Variants in AGBL3 observed in about 807,000 individuals in gnomAD.
AGBL3 encodes the protein cytosolic carboxypeptidase 3.
A neutral mutation model predicts 94.5 loss-of-function variants in AGBL3; 68 were observed. The observed-to-expected ratio is 0.72, with a 90% CI of 0.59 to 0.88. AGBL3 has a LOEUF of 0.88. AGBL3 is among the 40% of genes least tolerant of loss of function. The pLI is 0.00. For synonymous variants in AGBL3, 354 were observed against 370.7 expected, an observed-to-expected ratio of 0.95 and a Z score of 0.52; for missense variants, 934 against 1,103.8, an observed-to-expected ratio of 0.85 and a Z score of 2.18.
At chr7:135,004,766 A>G (rs1385734491) in intron 4 of AGBL3, among the ~76,000 whole-genome samples, 1 of 151,356 alleles carries the variant, frequency 6.6e-6, no homozygotes, top group Non-Finnish European at 1.5e-5. Flanking sequence ...AATACTTTAC[A>G]TTGTGTTTTT....
At chr7:135,109,730 C>G (rs576824852) in intron 15 of AGBL3, among the ~76,000 whole-genome samples, 1 of 152,186 alleles carries the variant, frequency 6.6e-6, no homozygotes, top group Non-Finnish European at 1.5e-5. Context: ...GGATCCAGTG[C>G]CTGTGTGAAA....
chr7:135,040,904 C>CACACAA (rs1343054996), intron 8 of AGBL3, among the ~76,000 whole-genome samples: 5 of 151,352 alleles, frequency 3.3e-5, no homozygotes, highest in African/African-American at 9.7e-5. Flanking sequence ...CACACACACA[C>CACACAA]AAAACTAGAA....
chr7:135,037,076 C>T (rs1252093945), intron 7 of AGBL3, among the ~76,000 whole-genome samples: 1 of 152,152 alleles, frequency 6.6e-6, no homozygotes, highest in Non-Finnish European at 1.5e-5. Context: ...TGTGCCGCCA[C>T]ACCCAGCTAA....
intron 11 of AGBL3, 37 bp downstream of exon 11, chr7:135,045,948 G>A: frequency 7.7e-7 from 1 of 1,293,658 alleles, no homozygotes; most frequent in South Asian, 1.3e-5. Flanking sequence ...AATTTGTTGT[G>A]CTGTTTTACT....
At chr7:135,057,226 C>T (rs1189172191) in intron 11 of AGBL3, among the ~76,000 whole-genome samples, 1 of 152,076 alleles carries the variant, frequency 6.6e-6, no homozygotes, top group African/African-American at 2.4e-5. Flanking sequence ...CTAGAAGCAA[C>T]TTTACACCTT....
At chr7:135,112,348 A>G (rs910849562) in intron 15 of AGBL3, among the ~76,000 whole-genome samples, 2 of 152,200 alleles carry the variant, frequency 1.3e-5, no homozygotes, top group Non-Finnish European at 2.9e-5. Flanking sequence ...AAACACATTT[A>G]TTTAGCATCT....
chr7:135,113,250 A>G (rs1029243012), intron 15 of AGBL3, among the ~76,000 whole-genome samples: 1 of 152,224 alleles, frequency 6.6e-6, no homozygotes, highest in Non-Finnish European at 1.5e-5. Flanking sequence ...AAGAATAGAT[A>G]ATTTCTTTAC....
At chr7:135,128,497 T>C in intron 16 of AGBL3, 1 of 757,354 alleles carries the variant, frequency 1.3e-6, no homozygotes, top group South Asian at 1.3e-5. Flanking sequence ...AGTGAGTATT[T>C]ACGATGGAGA....
chr7:135,034,103 T>C, intron 6 of AGBL3, 46 bp from the exon 7 acceptor site: 1 of 1,322,992 alleles, frequency 7.6e-7, no homozygotes, highest in South Asian at 2.4e-5. Context: ...AAAATGTCAT[T>C]TTTACATTCT....
intron 16 of AGBL3, among the ~76,000 whole-genome samples, chr7:135,117,098 G>T (rs1826428672): frequency 6.6e-6 from 1 of 152,122 alleles, no homozygotes; most frequent in African/African-American, 2.4e-5. Context: ...TATTTTTAGT[G>T]CAAAGAATAG....
intron 13 of AGBL3, among the ~76,000 whole-genome samples, chr7:135,078,037 A>G (rs1402560492): frequency 2.0e-5 from 3 of 152,198 alleles, no homozygotes; most frequent in African/African-American, 7.2e-5. Flanking sequence ...TGGTAGATTC[A>G]TTGGAGCTAC....
At chr7:135,056,429 A>G (rs1232345562) in intron 11 of AGBL3, among the ~76,000 whole-genome samples, 1 of 152,056 alleles carries the variant, frequency 6.6e-6, no homozygotes, top group Non-Finnish European at 1.5e-5. Flanking sequence ...ACAAATATTG[A>G]TAAGTTGTAT....
intron 5 of AGBL3, among the ~76,000 whole-genome samples, chr7:135,019,521 T>G (rs1404772722): frequency 6.6e-6 from 1 of 152,166 alleles, no homozygotes; most frequent in Non-Finnish European, 1.5e-5. Context: ...GAATGGTTTG[T>G]GATATGGGTC....
intron 4 of AGBL3, 121 bp downstream of exon 4, chr7:134,993,799 C>A: frequency 4.9e-6 from 4 of 811,284 alleles, no homozygotes; most frequent in Non-Finnish European, 6.9e-6. Flanking sequence ...ATAACATGAG[C>A]CACATAATGT....
chr7:135,132,469 T>C (rs1490062546), intron 16 of AGBL3, among the ~76,000 whole-genome samples: 1 of 152,070 alleles, frequency 6.6e-6, no homozygotes, highest in East Asian at 1.9e-4. Flanking sequence ...TCAGTACCCA[T>C]CCATGATAAA....
At chr7:134,994,207 C>T (rs1810675755) in intron 4 of AGBL3, among the ~76,000 whole-genome samples, 1 of 152,204 alleles carries the variant, frequency 6.6e-6, no homozygotes, top group African/African-American at 2.4e-5. Flanking sequence ...TCCTTATTTC[C>T]TCCTTGTAGG....
intron 16 of AGBL3, among the ~76,000 whole-genome samples, chr7:135,117,881 G>A (rs1484808899): frequency 6.6e-6 from 1 of 152,164 alleles, no homozygotes; most frequent in Admixed American, 6.5e-5. Flanking sequence ...CACTGGCATG[G>A]TTGCCAATCA....
At chr7:135,000,432 G>A (rs1345075213) in intron 4 of AGBL3, among the ~76,000 whole-genome samples, 4 of 152,082 alleles carry the variant, frequency 2.6e-5, no homozygotes, top group Non-Finnish European at 5.9e-5. Context: ...ATGGAGGAAG[G>A]GTGAGAGCTC....
intron 11 of AGBL3, among the ~76,000 whole-genome samples, chr7:135,058,578 CA>C (rs965270550): frequency 6.6e-6 from 1 of 151,864 alleles, no homozygotes; most frequent in East Asian, 1.9e-4. Flanking sequence ...TACTATATGC[CA>C]AGCACTATTT....
Sources: allele counts gnomAD v4.1 joint callset (sites outside exome capture counted in the v4.1 genomes callset), GRCh38; gene constraint gnomAD v4.1.1; transcripts MANE v1.5; gene names NCBI Gene and HGNC (gene_info 2026-07-23, HGNC 2026-07-21).